Variants in ADAMTS14 observed in about 807,000 individuals in gnomAD.
The protein encoded by ADAMTS14 is ADAM metallopeptidase with thrombospondin type 1 motif 14.
ADAMTS14 carries 100 observed loss-of-function variants against 128.6 expected under a neutral mutation model. The ratio of observed to expected loss-of-function variants is 0.78; its 90% CI spans 0.66 to 0.92. The LOEUF is 0.92. Ranked by LOEUF, ADAMTS14 falls within the 40% of genes least tolerant of loss-of-function variation. The probability of loss-of-function intolerance (pLI) is 0.00; values close to 1 mark genes in which losing one functional copy is unlikely to be tolerated. For missense variants in ADAMTS14, 1,562 were observed against 1,658.6 expected, an observed-to-expected ratio of 0.94 and a Z score of 1.01; for synonymous variants, 665 against 653.8, an observed-to-expected ratio of 1.02 and a Z score of -0.26.
intron 4 of ADAMTS14, among the ~76,000 whole-genome samples, chr10:70,719,351 C>A (rs1296338570): frequency 1.4e-5 from 2 of 148,038 alleles, no homozygotes; most frequent in African/African-American, 5.1e-5. Context: ...TCGTGGACAG[C>A]ATCTCACTCC....
intron 2 of ADAMTS14, among the ~76,000 whole-genome samples, chr10:70,687,357 G>A (rs1428961404): frequency 3.5e-4 from 24 of 68,874 alleles, no homozygotes; most frequent in East Asian, 3.6e-3. Context: ...CCTCCCTCCC[G>A]GACGGGGCGG....
At chr10:70,759,129 T>TTTTTTTTTTTTTTTTTTTTTTTTTTTTTG (rs1485675752) in intron 21 of ADAMTS14, among the ~76,000 whole-genome samples, 7 of 112,610 alleles carry the variant, frequency 6.2e-5, no homozygotes, top group East Asian at 2.4e-4. Context: ...TCCAATCTTC[T>TTTTTTTTTTTTTTTTTTTTTTTTTTTTTG]ACTTCTCTGC....
chr10:70,729,230 A>T, intron 4 of ADAMTS14, 64 bp from the exon 5 acceptor site: 1 of 1,403,268 alleles, frequency 7.1e-7, no homozygotes, highest in Non-Finnish European at 1.0e-6. Context: ...CTACCCCAGT[A>T]CCTGGCATGC....
At position 70,740,967 on chromosome 10, in the gene ADAMTS14, T is replaced by A. The variant is rs1318748823; in HGVS notation, c.1749-20T>A. Reference sequence around the variant, plus strand: ...CCTTCCCAGCCAGCAAGGTCATCCATTTCTCTGTGTCTGTCCCAGCCCAGC... The same window carrying A: ...CCTTCCCAGCCAGCAAGGTCATCCAATTCTCTGTGTCTGTCCCAGCCCAGC... On this transcript the variant is annotated intron_variant, in intron 11 of 21. Coordinates refer to ENST00000373207, the MANE Select transcript of ADAMTS14 (RefSeq NM_080722.4). 1 of 1,609,960 alleles carries A rather than the reference T, an allele frequency of 6.2e-7. No homozygotes were observed. The highest frequency in any genetic ancestry group is 8.5e-7 in the Non-Finnish European group (1 of 1,176,716).
chr10:70,730,251 T>A lies in ADAMTS14; in HGVS notation c.1102+2T>A, dbSNP rs749657704. On this transcript the variant is annotated splice_donor_variant, in intron 6 of 21. Coordinates refer to ENST00000373207, the MANE Select transcript of ADAMTS14 (RefSeq NM_080722.4). LOFTEE classifies it high-confidence loss of function. ...CCCGGCAGGACTTTGGGCCCTCAGG[T>A]ATGCAAGGTACTGTATTTGCCATGG... 1 of 1,613,532 alleles carries A rather than the reference T, an allele frequency of 6.2e-7. No individual in the cohort carries two copies. The highest frequency in any genetic ancestry group is 1.7e-5 in the Admixed American group (1 of 59,990).
intron 7 of ADAMTS14, among the ~76,000 whole-genome samples, chr10:70,732,798 T>C (rs1275813419): frequency 6.6e-6 from 1 of 152,242 alleles, no homozygotes; most frequent in Non-Finnish European, 1.5e-5. Context: ...AGTGCTGGCC[T>C]GAGCCCACTG....
Position 70,735,184 on chromosome 10 carries a change from C to G in ADAMTS14, c.1368C>G (p.Leu456=). 6.2e-7 allele frequency: 1 copy of G among 1,612,590 alleles called. No homozygotes were observed. The highest frequency in any genetic ancestry group is 8.5e-7 in the Non-Finnish European group (1 of 1,179,156). ...CTACTGGCAGCTCCTACGACTGCCT[C>G]CTCGATGACCCCTTTGATCCTGCCT... ...LSRYLPSYDC[L]LDDPFDPAWP... The change falls in exon 9 of 22, where the codon CTC becomes CTG. Residue 456 remains leucine, a synonymous_variant. Transcript: ENST00000373207.
At chr10:70,755,778 G>T (rs1456570665) in intron 19 of ADAMTS14, among the ~76,000 whole-genome samples, 1 of 152,228 alleles carries the variant, frequency 6.6e-6, no homozygotes, top group East Asian at 1.9e-4. Context: ...GAACCTGGGA[G>T]GCAGAGGTTG....
rs540400072 is a variant in ADAMTS14, at chr10:70,733,926, A to T, written c.1250A>T (p.Asp417Val). The change falls in exon 8 of 22, where the codon GAT becomes GTT. Residue 417 changes from aspartate (D) to valine (V), a missense_variant. Transcript: ENST00000373207. ...GACGGTCAGGGGAATGGCTGTGCAG[A>T]TGAGACCAGCCTGGGCAGCGTCATG... ...EHDGQGNGCA[D>V]ETSLGSVMAP... 1 of 1,613,848 alleles carries T rather than the reference A, an allele frequency of 6.2e-7. No homozygotes were observed. Among genetic ancestry groups the T allele is most frequent in the East Asian group, 2.2e-5 (1 of 44,868 alleles).
intron 3 of ADAMTS14, among the ~76,000 whole-genome samples, chr10:70,706,797 C>T (rs543832371): frequency 6.6e-6 from 1 of 152,346 alleles, no homozygotes; most frequent in South Asian, 2.1e-4. Flanking sequence ...TGACACCAAG[C>T]CCTGTGTGTT....
In ADAMTS14 at chr10:70,756,421, GT is replaced by G. The variant is rs1842480969; in HGVS notation, c.2938-1540del. ...TCTTCAAAGGACCCCACAGATAAAA[GT>G]AACAGAGAGATGGCAGATAGTGGAA... On this transcript the variant is annotated intron_variant, in intron 19 of 21. Transcript: ENST00000373207. Among the ~76,000 whole-genome samples the G allele has an allele frequency of 3.3e-5, 5 of 152,316 alleles. 1 individual carries two copies. The South Asian group carries it at 1.0e-3, about 32-fold the overall frequency.
chr10:70,758,073 A>C lies in ADAMTS14; in HGVS notation c.3049A>C (p.Ser1017Arg). 1 of 1,612,812 alleles carries C rather than the reference A, an allele frequency of 6.2e-7. No individual in the cohort carries two copies. Among genetic ancestry groups the C allele is most frequent in the South Asian group, 1.1e-5 (1 of 90,838 alleles). The change falls in exon 20 of 22, where the codon AGC (serine) becomes CGC (arginine). Residue 1017 changes from serine to arginine, a missense_variant. Coordinates refer to ENST00000373207, the MANE Select transcript of ADAMTS14 (RefSeq NM_080722.4). The part of the protein sequence containing the change: ...GDRPDTVQVC[S>R]LPACGGNHQN... ...TAGGCCAGACACTGTCCAGGTCTGC[A>C]GCCTGCCCGCCTGTGGAGGTGAGCC...
chr10:70,693,677 C>T (rs1840253165), intron 2 of ADAMTS14, among the ~76,000 whole-genome samples: 1 of 152,176 alleles, frequency 6.6e-6, no homozygotes, highest in African/African-American at 2.4e-5. Context: ...TGCATTTACC[C>T]ACCACATTGC....
At chr10:70,747,890 G>A (rs2688750) in intron 15 of ADAMTS14, among the ~76,000 whole-genome samples, 52,583 of 151,904 alleles carry the variant, frequency 0.35, 9,291 homozygotes, top group Admixed American at 0.42. Flanking sequence ...GTGCATGCAC[G>A]TGCATGCACG....
chr10:70,753,759 C>A (rs73278044), intron 18 of ADAMTS14, 41 bp from the exon 19 acceptor site: 2 of 1,496,794 alleles, frequency 1.3e-6, no homozygotes, highest in Non-Finnish European at 1.8e-6. Flanking sequence ...GGATGAAGTG[C>A]CCCCTTGGTC....
intron 2 of ADAMTS14, among the ~76,000 whole-genome samples, chr10:70,694,046 G>C (rs927265310): frequency 6.6e-6 from 1 of 152,272 alleles, no homozygotes; most frequent in African/African-American, 2.4e-5. Flanking sequence ...TCAGCTTTCA[G>C]ACTTTTTTTG....
chr10:70,745,206 T>A lies in ADAMTS14; in HGVS notation c.2183-20T>A, dbSNP rs1842138579. ...ACCAGCTTAGGATGCTCACGACTTC[T>A]GGATCCCTGTGTGTGGCAGGAGCTC... is the stretch of plus-strand genomic sequence containing the variant. On this transcript the variant is annotated intron_variant, in intron 14 of 21. Coordinates refer to ENST00000373207, the MANE Select transcript of ADAMTS14 (RefSeq NM_080722.4). 3.1e-6 allele frequency: 5 copies of A among 1,607,336 alleles called. No homozygotes were observed. Among genetic ancestry groups the A allele is most frequent in the South Asian group, 1.1e-5 (1 of 90,796 alleles).
At chr10:70,739,170 C>T (rs1279713968) in intron 11 of ADAMTS14, among the ~76,000 whole-genome samples, 180 bp downstream of exon 11, 1 of 152,106 alleles carries the variant, frequency 6.6e-6, no homozygotes, top group Non-Finnish European at 1.5e-5. Flanking sequence ...CCTGCATCCA[C>T]TAAGAACCCT....
At chr10:70,739,083 G>T in intron 11 of ADAMTS14, 93 bp downstream of exon 11, 1 of 1,446,942 alleles carries the variant, frequency 6.9e-7, no homozygotes, top group East Asian at 2.3e-5. Flanking sequence ...CAGTGCAGGA[G>T]AGAAGGGCCC....
Sources: gnomAD v4.1 joint callset for allele counts (sites outside exome capture counted in the v4.1 genomes callset) on GRCh38, gnomAD v4.1.1 for gene constraint, MANE v1.5 for transcripts, NCBI Gene and HGNC (gene_info 2026-07-23, HGNC 2026-07-21) for gene names.